TRMT44: variants seen among roughly 807,000 people sequenced by gnomAD.
TRMT44 encodes the protein probable tRNA (uracil-O(2)-)-methyltransferase.
TRMT44 carries 78 observed loss-of-function variants against 77.3 expected under a neutral mutation model. The observed-to-expected ratio is 1.01, with a 90% CI of 0.84 to 1.22. The LOEUF is 1.22. TRMT44 is among the 50% of genes most tolerant of loss of function. The pLI is 0.00. For synonymous variants in TRMT44, 391 were observed against 383.3 expected, an observed-to-expected ratio of 1.02 and a Z score of -0.23; for missense variants, 1,090 against 964.4, an observed-to-expected ratio of 1.13 and a Z score of -1.73.
chr4:8,447,852 C>G (rs986741575), intron 2 of TRMT44, among the ~76,000 whole-genome samples: 1 of 152,166 alleles, frequency 6.6e-6, no homozygotes, highest in Non-Finnish European at 1.5e-5. Context: ...CCTCTGTGCT[C>G]GGCGATGCTG....
At chr4:8,514,022 G>A in the TRMT44 span, among the ~76,000 whole-genome samples, 45 of 152,206 alleles carry the variant, frequency 3.0e-4, no homozygotes, top group African/African-American at 9.6e-4. Flanking sequence ...CACTCCTGGC[G>A]AAACCCCCAA....
chr4:8,484,589 A>G (rs1017651543), intron 2 of TRMT44, among the ~76,000 whole-genome samples: 12 of 152,300 alleles, frequency 7.9e-5, no homozygotes, highest in South Asian at 4.1e-4. Flanking sequence ...AAGAATTCCT[A>G]CTGCACAGCC....
chr4:8,487,925 C>T (rs1254588613), intron 2 of TRMT44, among the ~76,000 whole-genome samples: 1 of 152,140 alleles, frequency 6.6e-6, no homozygotes, highest in Non-Finnish European at 1.5e-5. Flanking sequence ...GCTGCCTTCC[C>T]TAGTCTGTGA....
At chr4:8,496,516 G>T (rs1383834375), downstream of TRMT44, among the ~76,000 whole-genome samples, 1 of 152,188 alleles carries the variant, frequency 6.6e-6, no homozygotes, top group South Asian at 2.1e-4. Context: ...CATGCAGTTG[G>T]GACTGTCGGT....
At position 8,451,944 on chromosome 4, in the gene TRMT44, C is replaced by G; in HGVS notation, c.955-16C>G. On this transcript the variant is annotated splice_polypyrimidine_tract_variant and intron_variant, in intron 3 of 10. Transcript: ENST00000389737. This position sits in a 1 kb window ranked among gnomAD's most constrained non-coding sequence, Gnocchi z 4.1. The stretch of plus-strand genomic sequence containing the variant: ...GGAAACCGAACAATTTATGTTTGCT[C>G]TTGAAACTGTTTTAGGTGTGGCCTG... The G allele has an allele frequency of 6.5e-7, 1 of 1,536,296 alleles. No individual in the cohort carries two copies. Among genetic ancestry groups the G allele is most frequent in the Non-Finnish European group, 8.7e-7 (1 of 1,146,754 alleles).
chr4:8,463,669 C>T (rs1337057871), intron 6 of TRMT44, among the ~76,000 whole-genome samples: 2 of 152,176 alleles, frequency 1.3e-5, no homozygotes, highest in East Asian at 1.9e-4. Context: ...GTTCCGTGGC[C>T]GTCTCTCCTG....
chr4:8,441,540 G>C, intron 1 of TRMT44, 99 bp downstream of exon 1: 1 of 1,358,910 alleles, frequency 7.4e-7, no homozygotes, highest in African/African-American at 1.5e-5. Flanking sequence ...GTTCCTCTGC[G>C]ATGTCCTAGG....
chr4:8,514,352 T>A, the TRMT44 span, among the ~76,000 whole-genome samples: 1 of 151,288 alleles, frequency 6.6e-6, no homozygotes, highest in Non-Finnish European at 1.5e-5. Context: ...CCTTCCCATA[T>A]TCGAGCCCAG....
chr4:8,463,242 T>C (rs1726285588), intron 6 of TRMT44, among the ~76,000 whole-genome samples: 1 of 152,188 alleles, frequency 6.6e-6, no homozygotes, highest in African/African-American at 2.4e-5. Flanking sequence ...CTTCCCCCTC[T>C]CTCTTTCCAG....
intron 5 of TRMT44, 55 bp downstream of exon 5, chr4:8,453,044 C>A: frequency 8.9e-7 from 1 of 1,123,906 alleles, no homozygotes; most frequent in South Asian, 1.6e-5. Flanking sequence ...TTCCTCAAGT[C>A]AGGCACAGGG....
chr4:8,463,924 C>A, intron 6 of TRMT44, 61 bp from the exon 7 acceptor site: 1 of 1,415,576 alleles, frequency 7.1e-7, no homozygotes, highest in Non-Finnish European at 9.9e-7. Flanking sequence ...CCATGTCCTG[C>A]CCACGCAGTA....
At chr4:8,460,056 T>C (rs1228285020) in intron 6 of TRMT44, among the ~76,000 whole-genome samples, 2 of 152,158 alleles carry the variant, frequency 1.3e-5, no homozygotes, top group East Asian at 3.8e-4. Flanking sequence ...CATGTGACCG[T>C]GGGGTTAAAG....
chr4:8,446,734 G>C lies in TRMT44; in HGVS notation c.734+144G>C, dbSNP rs1398860943. ...TAGGAATGCAGTTGCTAGCTTATGT[G>C]CCCAGGCCATGTTGCTCTTCCTGTT... is the stretch of plus-strand genomic sequence containing the variant. On this transcript the variant is annotated intron_variant, in intron 2 of 10. Transcript: ENST00000389737. This position sits in a 1 kb window ranked among gnomAD's most constrained non-coding sequence, Gnocchi z 4.3. 1.7e-6 allele frequency: 1 copy of C among 585,332 alleles called. No individual in the cohort carries two copies. Among genetic ancestry groups the C allele is most frequent in the Non-Finnish European group, 2.9e-6 (1 of 340,498 alleles). 36.3% of individuals were successfully genotyped at this position (585,332 alleles called of 1,614,324 possible).
intron 2 of TRMT44, among the ~76,000 whole-genome samples, chr4:8,485,053 T>C (rs939393097): frequency 2.6e-5 from 4 of 152,122 alleles, no homozygotes; most frequent in Admixed American, 2.0e-4. Context: ...AGGTCATCAA[T>C]ATATTGAATA....
Position 8,468,123 on chromosome 4 carries a change from CA to C in TRMT44, c.1705del (p.Arg569GlyfsTer30), listed in dbSNP as rs758854435. On this transcript the variant is annotated frameshift_variant, in exon 9 of 11. Coordinates refer to ENST00000389737, the MANE Select transcript of TRMT44 (RefSeq NM_152544.3). LOFTEE classifies it high-confidence loss of function. ...TGGACGCCAGGGTCGGGTGTGTAAC[CA>C]GGGCCTGGGCCGCTGAGCATGGAGC... ...ALDARVGCVT[R>X]AWAAEHGAGP... The C allele has an allele frequency of 6.2e-7, 1 of 1,613,918 alleles. No homozygotes were observed. The highest frequency in any genetic ancestry group is 2.2e-5 in the East Asian group (1 of 44,880).
the TRMT44 span, among the ~76,000 whole-genome samples, chr4:8,500,194 C>G: frequency 6.6e-6 from 1 of 151,132 alleles, no homozygotes; most frequent in Non-Finnish European, 1.5e-5. Context: ...GACTCTGTCT[C>G]TAAAAAAATA....
chr4:8,487,368 A>T (rs568523708), intron 2 of TRMT44, among the ~76,000 whole-genome samples: 1 of 151,820 alleles, frequency 6.6e-6, no homozygotes, highest in East Asian at 1.9e-4. Context: ...AGAGACAAGG[A>T]GGGAAGGGGT....
the TRMT44 span, among the ~76,000 whole-genome samples, chr4:8,512,941 G>A: frequency 2.0e-4 from 31 of 152,168 alleles, no homozygotes; most frequent in Non-Finnish European, 4.1e-4. Flanking sequence ...GAGACAGAGT[G>A]TCACTCTCTC....
chr4:8,470,088 T>C lies in TRMT44; in HGVS notation c.1928-996T>C, dbSNP rs190148005. Among the ~76,000 whole-genome samples, 8 of 152,356 alleles carry C rather than the reference T, an allele frequency of 5.3e-5. 1 individual carries two copies. In the East Asian group the frequency reaches 1.5e-3, roughly 29 times the overall value. ...CCATGGCTGAGTGTGAGATTCCCTG[T>C]TATGGAGTCCATGCTGGGCCAGAGC... is the stretch of plus-strand genomic sequence containing the variant. On this transcript the variant is annotated intron_variant, in intron 9 of 10. Coordinates refer to ENST00000389737, the MANE Select transcript of TRMT44 (RefSeq NM_152544.3).
Sources: allele counts gnomAD v4.1 joint callset (sites outside exome capture counted in the v4.1 genomes callset), GRCh38; gene constraint gnomAD v4.1.1; non-coding constraint Gnocchi (gnomAD v3.1); transcripts MANE v1.5; gene names NCBI Gene and HGNC (gene_info 2026-07-23, HGNC 2026-07-21).